TACR1: variants seen among roughly 807,000 people sequenced by gnomAD.
TACR1 encodes the protein substance-P receptor.
TACR1 carries 25 observed loss-of-function variants against 35.8 expected under a neutral mutation model. The observed-to-expected ratio is 0.70, with a 90% confidence interval of 0.51 to 0.98. The LOEUF (loss-of-function observed/expected upper bound fraction) is 0.98, where lower values mean the gene tolerates loss of function less well. TACR1 is among the 50% of genes least tolerant of loss of function. The pLI, the probability that TACR1 is intolerant of heterozygous loss-of-function variation, is 0.00. For missense variants in TACR1, 478 were observed against 522.9 expected, an observed-to-expected ratio of 0.91 and a Z score of 0.84; for synonymous variants, 195 against 206.7, an observed-to-expected ratio of 0.94 and a Z score of 0.48.
chr2:75,150,216 G>C (rs1674640296), intron 1 of TACR1, among the ~76,000 whole-genome samples: 2 of 152,188 alleles, frequency 1.3e-5, no homozygotes, highest in Non-Finnish European at 2.9e-5. Context: ...GAATGACATT[G>C]AATTGCCCTT....
chr2:75,100,718 A>C (rs903907931), intron 2 of TACR1, among the ~76,000 whole-genome samples: 3 of 152,224 alleles, frequency 2.0e-5, no homozygotes, highest in African/African-American at 7.2e-5. Context: ...AGGGTTCATA[A>C]ATATTTGCTA....
At chr2:75,088,029 C>G (rs1163668162) in intron 2 of TACR1, among the ~76,000 whole-genome samples, 1 of 152,168 alleles carries the variant, frequency 6.6e-6, no homozygotes, top group Non-Finnish European at 1.5e-5. Context: ...TGTAGTCCCC[C>G]CATGTCTCGG....
At chr2:75,162,073 C>T (rs1483420241) in intron 1 of TACR1, among the ~76,000 whole-genome samples, 1 of 139,806 alleles carries the variant, frequency 7.2e-6, no homozygotes, top group African/African-American at 2.7e-5. Context: ...AGAAGTGAGT[C>T]TGTGTTGGGG....
intron 1 of TACR1, among the ~76,000 whole-genome samples, chr2:75,183,919 T>C (rs1387737624): frequency 6.6e-6 from 1 of 152,216 alleles, no homozygotes; most frequent in East Asian, 1.9e-4. Context: ...GGAATTTATA[T>C]TATTTAGGAA....
At chr2:75,118,957 C>T (rs187522657) in intron 2 of TACR1, 2 of 152,098 alleles carry the variant, frequency 1.3e-5, no homozygotes, top group Non-Finnish European at 2.9e-5. Flanking sequence ...GAATAATTTT[C>T]GATATTTCCT....
chr2:75,131,274 G>A (rs1202716279), intron 1 of TACR1, among the ~76,000 whole-genome samples: 1 of 151,950 alleles, frequency 6.6e-6, no homozygotes, highest in African/African-American at 2.4e-5. Flanking sequence ...ATTTTTAGTA[G>A]AGACTGGGTT....
intron 1 of TACR1, among the ~76,000 whole-genome samples, chr2:75,149,118 A>G (rs1299719364): frequency 1.3e-5 from 2 of 152,120 alleles, no homozygotes; most frequent in African/African-American, 2.4e-5. Context: ...TGTTTTGGTT[A>G]CCGTAGCCTT....
intron 1 of TACR1, chr2:75,188,095 T>TAA (rs2104072099): frequency 6.6e-6 from 1 of 152,330 alleles, no homozygotes; most frequent in African/African-American, 2.4e-5. Context: ...TTGAGCTAAC[T>TAA]CGTATTTCAA....
chr2:75,066,304 G>C (rs1339342700), intron 2 of TACR1, among the ~76,000 whole-genome samples: 1 of 152,158 alleles, frequency 6.6e-6, no homozygotes, highest in Non-Finnish European at 1.5e-5. Context: ...GTTGAAATGG[G>C]AATAGAAAAC....
At chr2:75,129,832 A>C (rs10187934) in intron 1 of TACR1, among the ~76,000 whole-genome samples, 24,615 of 152,030 alleles carry the variant, frequency 0.16, 2,495 homozygotes, top group East Asian at 0.45. Flanking sequence ...GTGACCATTG[A>C]CTTAATTTTG....
intron 1 of TACR1, among the ~76,000 whole-genome samples, chr2:75,138,976 A>C (rs1350683024): frequency 6.6e-6 from 1 of 152,206 alleles, no homozygotes; most frequent in African/African-American, 2.4e-5. Context: ...AACGGTCATG[A>C]GAACATGCAA....
At chr2:75,050,674 C>T (rs1164754089) in intron 4 of TACR1, among the ~76,000 whole-genome samples, 1 of 152,232 alleles carries the variant, frequency 6.6e-6, no homozygotes, top group Non-Finnish European at 1.5e-5. Flanking sequence ...TAAGTGAGGG[C>T]AGGAATCAGG....
intron 1 of TACR1, among the ~76,000 whole-genome samples, chr2:75,195,621 A>G (rs964630356): frequency 6.6e-6 from 1 of 152,208 alleles, no homozygotes; most frequent in Non-Finnish European, 1.5e-5. Context: ...TTAAAAATTC[A>G]TTTTATTTGA....
Position 75,167,435 on chromosome 2 carries a change from A to G in TACR1, c.389+31111T>C, listed in dbSNP as rs532539358. 3.3e-5 allele frequency among the ~76,000 whole-genome samples: 5 copies of G among 152,358 alleles called. No homozygotes were observed. In the South Asian group the frequency reaches 1.0e-3, roughly 32 times the overall value. ...GTCCTAATAATCAAAACATTGTGATATCAACATGAGGATTGAAAGATGGAT... is the reference window on the plus strand; with the variant it reads ...GTCCTAATAATCAAAACATTGTGATGTCAACATGAGGATTGAAAGATGGAT... On this transcript the variant is annotated intron_variant, in intron 1 of 4. Coordinates refer to ENST00000305249, the MANE Select transcript of TACR1 (RefSeq NM_001058.4).
intron 2 of TACR1, among the ~76,000 whole-genome samples, chr2:75,064,509 TAA>T (rs1395366377): frequency 2.0e-5 from 3 of 151,842 alleles, no homozygotes; most frequent in African/African-American, 2.4e-5. Flanking sequence ...GGAAAAAATA[TAA>T]AGAGTACAGG....
chr2:75,112,334 T>A (rs1164800014), intron 2 of TACR1, among the ~76,000 whole-genome samples: 1 of 152,080 alleles, frequency 6.6e-6, no homozygotes, highest in Non-Finnish European at 1.5e-5. Context: ...TATTATTTTC[T>A]TGAACGAGTT....
Position 75,053,594 on chromosome 2 carries a change from C to A in TACR1, c.735+11G>T, listed in dbSNP as rs78052302. Reference sequence around the variant, plus strand: ...GCCAGGGTGGGTTAGTTCTGCCTGTCCCCTGCTCACCTTGCGCTTGGCAGA... The same window carrying A: ...GCCAGGGTGGGTTAGTTCTGCCTGTACCCTGCTCACCTTGCGCTTGGCAGA... On this transcript the variant is annotated intron_variant, in intron 3 of 4. Transcript: ENST00000305249. 7.0e-4 allele frequency: 1,066 copies of A among 1,514,460 alleles called. 5 individuals are homozygous for A. Among genetic ancestry groups the A allele is most frequent in the South Asian group, 1.4e-3 (107 of 74,814 alleles). The allele number at this position is 1,514,460 out of a possible 1,614,324, so 93.8% of individuals were successfully genotyped here. A position where few individuals can be genotyped will look rare whatever the true frequency, so the allele number is the denominator to read the frequency against.
chr2:75,191,768 C>T (rs1272984420), intron 1 of TACR1, among the ~76,000 whole-genome samples: 2 of 152,084 alleles, frequency 1.3e-5, no homozygotes, highest in Non-Finnish European at 2.9e-5. Flanking sequence ...CTTGAGGCAT[C>T]GGGTCTGGTT....
intron 3 of TACR1, among the ~76,000 whole-genome samples, chr2:75,052,355 CAG>C (rs1672485648): frequency 1.3e-5 from 2 of 152,206 alleles, no homozygotes; most frequent in South Asian, 4.1e-4. Context: ...TTGGGCCTTT[CAG>C]CCACTAGAGC....
Sources: gnomAD v4.1 joint callset for allele counts (sites outside exome capture counted in the v4.1 genomes callset) on GRCh38, gnomAD v4.1.1 for gene constraint, MANE v1.5 for transcripts, NCBI Gene and HGNC (gene_info 2026-07-23, HGNC 2026-07-21) for gene names.